The following EPHA6 variants were observed in gnomAD, a reference collection of about 807,000 sequenced individuals.
The protein encoded by EPHA6 is EPH receptor A6, also known as ephrin type-A receptor 6.
A neutral mutation model predicts 112.0 loss-of-function variants in EPHA6; 50 were observed. The ratio of observed to expected loss-of-function variants is 0.45; its 90% CI spans 0.36 to 0.56. EPHA6 has a LOEUF of 0.56. Among genes scored for constraint, EPHA6 ranks in the 20% least tolerant of loss-of-function variants. The probability of loss-of-function intolerance (pLI) is 0.00; values close to 1 mark genes in which losing one functional copy is unlikely to be tolerated. For missense variants in EPHA6, 1,280 were observed against 1,417.4 expected (o/e 0.90, Z 1.56); for synonymous variants, 529 against 490.7 (o/e 1.08, Z -1.03).
At chr3:97,158,727 G>T (rs2076345424) in intron 3 of EPHA6, among the ~76,000 whole-genome samples, 1 of 152,118 alleles carries the variant, frequency 6.6e-6, no homozygotes, top group Non-Finnish European at 1.5e-5. Context: ...AGAGGAAAAT[G>T]CAGGGAATCT....
At chr3:96,850,837 A>T (rs1432340292) in intron 1 of EPHA6, among the ~76,000 whole-genome samples, 1 of 152,188 alleles carries the variant, frequency 6.6e-6, no homozygotes, top group African/African-American at 2.4e-5. Flanking sequence ...GGAAGATGGG[A>T]TAAAACTAGC....
chr3:97,206,905 T>C (rs1428552559), intron 3 of EPHA6, among the ~76,000 whole-genome samples: 1 of 152,142 alleles, frequency 6.6e-6, no homozygotes, highest in Non-Finnish European at 1.5e-5. Context: ...ACTGTTATTT[T>C]TATATTAATT....
At chr3:97,708,525 C>A (rs1292596044) in intron 14 of EPHA6, among the ~76,000 whole-genome samples, 1 of 152,178 alleles carries the variant, frequency 6.6e-6, no homozygotes, top group African/African-American at 2.4e-5. Context: ...GAAGCCTGAC[C>A]TTTTGGTAGA....
intron 3 of EPHA6, among the ~76,000 whole-genome samples, chr3:97,070,157 T>C (rs1466196444): frequency 6.6e-6 from 1 of 152,174 alleles, no homozygotes; most frequent in African/African-American, 2.4e-5. Flanking sequence ...TTGGTTTTCT[T>C]CAGAGCTTTT....
intron 2 of EPHA6, among the ~76,000 whole-genome samples, chr3:96,943,837 T>C (rs1228656516): frequency 1.3e-5 from 2 of 151,846 alleles, no homozygotes; most frequent in Admixed American, 1.3e-4. Flanking sequence ...AAAAATAAAT[T>C]GAAAAAAGTA....
rs2035873400 is a variant in EPHA6 at position 97,750,491 on chromosome 3, G to C, written c.*1790G>C. Among the ~76,000 whole-genome samples, 1 of 151,828 alleles carries C rather than the reference G, an allele frequency of 6.6e-6. No homozygotes were observed. Among genetic ancestry groups the C allele is most frequent in the African/African-American group, 2.4e-5 (1 of 41,346 alleles). On this transcript the variant is annotated 3_prime_UTR_variant, in exon 18 of 18. Transcript: ENST00000389672. ...CCTGCCTCAGCCACCCGAGTAGCTG[G>C]GATTACAGGCGCCTGCCACCACTCC...
chr3:97,133,310 A>G (rs987756165), intron 3 of EPHA6, among the ~76,000 whole-genome samples: 1 of 152,084 alleles, frequency 6.6e-6, no homozygotes, highest in African/African-American at 2.4e-5. Context: ...CTTAAGCAAC[A>G]AGGTTTTTTA....
chr3:97,390,421 T>C (rs1041978049), intron 5 of EPHA6, among the ~76,000 whole-genome samples: 3 of 151,948 alleles, frequency 2.0e-5, no homozygotes, highest in African/African-American at 2.4e-5. Context: ...CCCATAGATA[T>C]ATGATATGTA....
chr3:97,637,311 C>G (rs568298445), intron 13 of EPHA6, among the ~76,000 whole-genome samples: 2 of 152,110 alleles, frequency 1.3e-5, no homozygotes, highest in East Asian at 3.8e-4. Flanking sequence ...AACTCTATTT[C>G]TTTTCTGTTT....
intron 3 of EPHA6, among the ~76,000 whole-genome samples, chr3:97,081,721 A>G (rs1357206020): frequency 6.6e-6 from 1 of 151,740 alleles, no homozygotes; most frequent in South Asian, 2.1e-4. Context: ...AAGAAAAGAT[A>G]AAATAATCTA....
At chr3:97,251,742 G>C (rs1325519297) in intron 5 of EPHA6, among the ~76,000 whole-genome samples, 1 of 152,022 alleles carries the variant, frequency 6.6e-6, no homozygotes, top group African/African-American at 2.4e-5. Context: ...ATTTCGTTTA[G>C]ATTCTAAAAC....
At chr3:97,162,402 A>G (rs755638601) in intron 3 of EPHA6, among the ~76,000 whole-genome samples, 4 of 152,140 alleles carry the variant, frequency 2.6e-5, no homozygotes, top group African/African-American at 4.8e-5. Context: ...TGTATTCCTG[A>G]ACTGGGGAAA....
chr3:96,909,274 A>T (rs2039093427), intron 2 of EPHA6, among the ~76,000 whole-genome samples: 1 of 151,972 alleles, frequency 6.6e-6, no homozygotes, highest in Admixed American at 6.6e-5. Flanking sequence ...AAGTAAGCAA[A>T]CAACAATTGT....
At chr3:97,608,460 C>G (rs1041079625) in intron 12 of EPHA6, among the ~76,000 whole-genome samples, 18 of 151,120 alleles carry the variant, frequency 1.2e-4, no homozygotes, top group Admixed American at 9.3e-4. Context: ...TTGAGAAACC[C>G]AGTGAATGAG....
intron 3 of EPHA6, among the ~76,000 whole-genome samples, chr3:97,120,227 G>T (rs1185899516): frequency 6.6e-6 from 1 of 151,782 alleles, no homozygotes; most frequent in Non-Finnish European, 1.5e-5. Context: ...TAGTACCTTG[G>T]TGATGTGTAC....
chr3:97,558,770 A>C (rs758977579), intron 11 of EPHA6, among the ~76,000 whole-genome samples: 4 of 151,914 alleles, frequency 2.6e-5, no homozygotes, highest in Admixed American at 6.6e-5. Flanking sequence ...ATGTTAAATA[A>C]AAATAAGTGT....
chr3:97,491,568 T>C (rs1360925637), intron 10 of EPHA6, among the ~76,000 whole-genome samples: 2 of 151,872 alleles, frequency 1.3e-5, no homozygotes, highest in Non-Finnish European at 2.9e-5. Context: ...GGGTCAATTA[T>C]TAGGTGTTTC....
Position 97,263,946 on chromosome 3 carries a change from A to G in EPHA6, c.1606+19659A>G, listed in dbSNP as rs139699840. On this transcript the variant is annotated intron_variant, in intron 5 of 17. Coordinates refer to ENST00000389672, the MANE Select transcript of EPHA6 (RefSeq NM_001080448.3). ...ACAGCAGTTTCCATATTAATTTCAT[A>G]TAAGTATAATGAAGATTTGATAAAG... is the stretch of plus-strand genomic sequence containing the variant. Among the ~76,000 whole-genome samples the G allele has an allele frequency of 3.7e-3, 561 of 152,340 alleles. 5 individuals carry two copies. The highest frequency in any genetic ancestry group is 0.011 in the African/African-American group (466 of 41,586).
intron 5 of EPHA6, among the ~76,000 whole-genome samples, chr3:97,304,636 C>G (rs935372954): frequency 6.6e-6 from 1 of 151,982 alleles, no homozygotes; most frequent in South Asian, 2.1e-4. Context: ...CAAAAACAAG[C>G]AATGGGAAAA....
Sources: allele counts gnomAD v4.1 joint callset (sites outside exome capture counted in the v4.1 genomes callset), GRCh38; gene constraint gnomAD v4.1.1; transcripts MANE v1.5; gene names NCBI Gene and HGNC (gene_info 2026-07-23, HGNC 2026-07-21).